DIP2C: variants seen among roughly 807,000 people sequenced by gnomAD.
DIP2C encodes DIP2 acetate--CoA ligase C (putative).
Under a neutral mutation model 192.4 loss-of-function variants are expected in DIP2C, and 33 were observed. The ratio of observed to expected loss-of-function variants is 0.17; its 90% CI spans 0.13 to 0.23. The LOEUF (loss-of-function observed/expected upper bound fraction) is 0.23. Ranked by LOEUF, DIP2C falls within the 10% of genes least tolerant of loss-of-function variation. The pLI is 1.00. For missense variants in DIP2C, 1,537 were observed against 2,110.1 expected, an observed-to-expected ratio of 0.73 and a Z score of 5.32; for synonymous variants, 979 against 864.1, an observed-to-expected ratio of 1.13 and a Z score of -2.33.
intron 3 of DIP2C, among the ~76,000 whole-genome samples, chr10:467,231 GGGAC>G (rs1970277207): frequency 1.3e-5 from 2 of 152,196 alleles, no homozygotes; most frequent in Middle Eastern, 3.4e-3. Flanking sequence ...GTCCTTTGTA[GGGAC>G]ATGGATGAAA....
At chr10:515,299 A>G (rs1846277564) in intron 1 of DIP2C, among the ~76,000 whole-genome samples, 1 of 152,220 alleles carries the variant, frequency 6.6e-6, no homozygotes, top group Non-Finnish European at 1.5e-5. Flanking sequence ...TTTGAGGTAG[A>G]TTGTGGCCTA....
chr10:349,292 C>A, intron 25 of DIP2C, 39 bp downstream of exon 25: 1 of 1,585,666 alleles, frequency 6.3e-7, no homozygotes, highest in Non-Finnish European at 8.6e-7. Flanking sequence ...GGCTGACCGG[C>A]TTGCCATCTC....
intron 1 of DIP2C, among the ~76,000 whole-genome samples, chr10:683,690 G>A (rs116695818): frequency 1.9e-3 from 290 of 152,326 alleles, no homozygotes; most frequent in African/African-American, 6.8e-3. Context: ...AGCAAGAAAT[G>A]AGCTTAATAA....
rs370098915 is a variant in DIP2C at position 348,625 on chromosome 10, T to C, written c.3231+16A>G. On this transcript the variant is annotated intron_variant, in intron 26 of 36. Transcript: ENST00000280886. ...CTCCAGGCAGGTGGAGGCCCCGACA[T>C]TCCCAGGCATGTTACCTCCACAATC... The C allele has an allele frequency of 5.6e-5, 91 of 1,610,772 alleles. No homozygotes were observed. In the African/African-American group the frequency reaches 1.1e-3, roughly 20 times the overall value.
At chr10:523,311 G>C (rs75825457) in intron 1 of DIP2C, among the ~76,000 whole-genome samples, 16 of 128,884 alleles carry the variant, frequency 1.2e-4, no homozygotes, top group South Asian at 4.9e-4. Flanking sequence ...GACTCTGTGT[G>C]ACCCACACAC....
chr10:452,639 G>A (rs1404022322), intron 3 of DIP2C, among the ~76,000 whole-genome samples: 1 of 152,210 alleles, frequency 6.6e-6, no homozygotes. Context: ...AGAGGGAAGC[G>A]AAGCAACCAA....
chr10:609,668 C>CT (rs1453408387), intron 1 of DIP2C, among the ~76,000 whole-genome samples: 2 of 152,184 alleles, frequency 1.3e-5, no homozygotes, highest in Non-Finnish European at 2.9e-5. Context: ...ACTTGTGTTT[C>CT]TTTCCTTCTT....
In DIP2C at chr10:390,256, T is replaced by C. The variant is rs1269665321; in HGVS notation, c.1494+8A>G. 1.2e-6 allele frequency: 2 copies of C among 1,613,920 alleles called. No individual in the cohort carries two copies. The highest frequency in any genetic ancestry group is 2.2e-5 in the South Asian group (2 of 91,066). On this transcript the variant is annotated splice_region_variant and intron_variant, in intron 12 of 36. Coordinates refer to ENST00000280886, the MANE Select transcript of DIP2C (RefSeq NM_014974.3). Reference sequence around the variant, plus strand: ...CAGGGCCAGTGGAGGAGGCCAAGGCTGACTCACCTCAATATACGCAGTGTC... The same window carrying C: ...CAGGGCCAGTGGAGGAGGCCAAGGCCGACTCACCTCAATATACGCAGTGTC...
Position 674,529 on chromosome 10 carries a change from G to C in DIP2C, c.85+14965C>G, listed in dbSNP as rs144439248. ...TCACACCTGTAATCCCAGCACTTTG[G>C]GGGGCAGAGGCAGGTGGATCACCTG... On this transcript the variant is annotated intron_variant, in intron 1 of 36. Coordinates refer to ENST00000280886, the MANE Select transcript of DIP2C (RefSeq NM_014974.3). Among the ~76,000 whole-genome samples the C allele has an allele frequency of 7.7e-4, 117 of 152,008 alleles. 5 individuals carry two copies. In the East Asian group the frequency reaches 0.021, roughly 27 times the overall value.
chr10:583,931 G>C (rs1246844171), intron 1 of DIP2C, among the ~76,000 whole-genome samples: 1 of 152,202 alleles, frequency 6.6e-6, no homozygotes, highest in African/African-American at 2.4e-5. Flanking sequence ...TGACGCAGAA[G>C]GAGAGCAGCT....
At chr10:598,447 A>C (rs2131680897) in intron 1 of DIP2C, among the ~76,000 whole-genome samples, 1 of 152,342 alleles carries the variant, frequency 6.6e-6, no homozygotes, top group East Asian at 1.9e-4. Context: ...CCGACATGCA[A>C]TCATCACATG....
At chr10:417,613 TC>T (rs1327086577) in intron 6 of DIP2C, among the ~76,000 whole-genome samples, 2 of 149,910 alleles carry the variant, frequency 1.3e-5, no homozygotes, top group African/African-American at 5.0e-5. Flanking sequence ...GGCATCCCTG[TC>T]TGCCTGCGCC....
At chr10:668,373 AAC>A (rs1857242751) in intron 1 of DIP2C, 1 of 152,228 alleles carries the variant, frequency 6.6e-6, no homozygotes, top group African/African-American at 2.4e-5. Flanking sequence ...TACAACATAC[AAC>A]ACATGGAACT....
intron 4 of DIP2C, among the ~76,000 whole-genome samples, chr10:424,354 GGTTTTTTTTT>G (rs1254280689): frequency 6.7e-4 from 81 of 121,050 alleles, no homozygotes; most frequent in African/African-American, 2.5e-3. Context: ...TATCACCTTG[GGTTTTTTTTT>G]TTTTTTTTTT....
At chr10:359,723 C>T (rs1171762331) in intron 22 of DIP2C, among the ~76,000 whole-genome samples, 1 of 152,290 alleles carries the variant, frequency 6.6e-6, no homozygotes, top group Non-Finnish European at 1.5e-5. Context: ...ACCCGGGAGA[C>T]CCTCATTCAC....
At chr10:409,165 G>A (rs1054014557) in intron 8 of DIP2C, 148 bp from the exon 9 acceptor site, 7 of 662,574 alleles carry the variant, frequency 1.1e-5, no homozygotes, top group South Asian at 2.1e-5. Flanking sequence ...TGAGCAAAGG[G>A]GGAACTGGTA....
chr10:664,671 T>C (rs1308020817), intron 1 of DIP2C: 1 of 152,238 alleles, frequency 6.6e-6, no homozygotes, highest in Non-Finnish European at 1.5e-5. Context: ...TTTATGTATC[T>C]CAATTTTTTA....
chr10:528,229 G>A (rs1847169874), intron 1 of DIP2C, among the ~76,000 whole-genome samples: 1 of 152,100 alleles, frequency 6.6e-6, no homozygotes, highest in African/African-American at 2.4e-5. Context: ...AGCCATTCAT[G>A]CCTTTCACCA....
intron 1 of DIP2C, among the ~76,000 whole-genome samples, chr10:532,542 T>TGA (rs10636550): frequency 0.23 from 31,155 of 133,854 alleles, 5,758 homozygotes; most frequent in Non-Finnish European, 0.33. Flanking sequence ...AGAGTATGGG[T>TGA]GTGAGAGAGT....
Sources: allele counts gnomAD v4.1 joint callset (sites outside exome capture counted in the v4.1 genomes callset), GRCh38; gene constraint gnomAD v4.1.1; transcripts MANE v1.5; gene names NCBI Gene and HGNC (gene_info 2026-07-23, HGNC 2026-07-21).